MTTP: variants seen among roughly 807,000 people sequenced by gnomAD.
MTTP encodes the protein microsomal triglyceride transfer protein large subunit.
Under a neutral mutation model 90.6 loss-of-function variants are expected in MTTP, and 49 were observed. That is an observed-to-expected ratio of 0.54 (90% CI 0.43 to 0.69). The LOEUF (loss-of-function observed/expected upper bound fraction) is 0.69, where lower values mean the gene tolerates loss of function less well. Among genes scored for constraint, MTTP ranks in the 30% least tolerant of loss-of-function variants. MTTP has a pLI of 0.00. For missense variants in MTTP, 945 were observed against 1,067.5 expected, an observed-to-expected ratio of 0.89 and a Z score of 1.60; for synonymous variants, 347 against 384.2, an observed-to-expected ratio of 0.90 and a Z score of 1.13.
chr4:99,622,282 T>G (rs1049632479), intron 17 of MTTP, among the ~76,000 whole-genome samples: 4 of 152,278 alleles, frequency 2.6e-5, no homozygotes, highest in Non-Finnish European at 5.9e-5. Flanking sequence ...GCTCTTAGAA[T>G]GTTTCTCTGT....
At position 99,574,913 on chromosome 4, in the gene MTTP, ATTC is replaced by A; in HGVS notation, c.10_12del (p.Leu4del). ...CAGTTGAGGATTGCTGGTCAATATG[ATTC>A]TTCTTGCTGTGCTTTTTCTCTGCTT... On this transcript the variant is annotated inframe_deletion, in exon 1 of 18. Transcript: ENST00000265517. 6.2e-7 allele frequency: 1 copy of A among 1,614,088 alleles called. No individual in the cohort carries two copies. The highest frequency in any genetic ancestry group is 8.5e-7 in the Non-Finnish European group (1 of 1,180,008).
chr4:99,584,650 C>T (rs79291404), intron 3 of MTTP, among the ~76,000 whole-genome samples: 4,123 of 152,122 alleles, frequency 0.027, 86 homozygotes, highest in Non-Finnish European at 0.037. Flanking sequence ...TGCTCACATG[C>T]CATTTCTGTC....
At chr4:99,610,407 G>T (rs1725921755) in intron 12 of MTTP, among the ~76,000 whole-genome samples, 1 of 152,094 alleles carries the variant, frequency 6.6e-6, no homozygotes, top group Admixed American at 6.5e-5. Context: ...TGATATTGGA[G>T]GGGAAACCTC....
intron 12 of MTTP, 89 bp from the exon 13 acceptor site, chr4:99,611,054 T>C (rs1335196532): frequency 2.1e-6 from 3 of 1,450,194 alleles, no homozygotes; most frequent in Non-Finnish European, 2.9e-6. Context: ...TTCCTCTTTT[T>C]TCCACTGAGG....
chr4:99,591,139 G>T, intron 4 of MTTP, 96 bp from the exon 5 acceptor site: 1 of 868,706 alleles, frequency 1.2e-6, no homozygotes, highest in South Asian at 1.3e-5. Context: ...AGTCCCCTAT[G>T]GCCTATTAGA....
intron 1 of MTTP, among the ~76,000 whole-genome samples, chr4:99,578,800 G>A (rs1011040449): frequency 3.9e-5 from 6 of 152,198 alleles, no homozygotes; most frequent in Non-Finnish European, 8.8e-5. Context: ...TATTTGCTAT[G>A]TTGGGTTGAA....
intron 8 of MTTP, among the ~76,000 whole-genome samples, chr4:99,597,754 A>C (rs1036697952): frequency 9.9e-5 from 15 of 152,226 alleles, no homozygotes; most frequent in Admixed American, 4.6e-4. Flanking sequence ...TATGTTACTT[A>C]ATATTTGGTG....
chr4:99,594,019 T>C (rs1725490347), intron 6 of MTTP, among the ~76,000 whole-genome samples: 3 of 152,158 alleles, frequency 2.0e-5, no homozygotes, highest in Admixed American at 1.3e-4. Flanking sequence ...ATCTGGTGCA[T>C]GGGCTGGAAA....
chr4:99,599,279 A>G (rs1725640495), intron 8 of MTTP, among the ~76,000 whole-genome samples: 1 of 152,228 alleles, frequency 6.6e-6, no homozygotes, highest in African/African-American at 2.4e-5. Flanking sequence ...CATGATCTTG[A>G]AAATCCCTTT....
intron 1 of MTTP, among the ~76,000 whole-genome samples, chr4:99,577,650 A>G (rs995095118): frequency 1.1e-4 from 17 of 151,824 alleles, no homozygotes; most frequent in African/African-American, 3.6e-4. Context: ...GGAAGGAAGA[A>G]AAGAAAAAGG....
Position 99,589,796 on chromosome 4 carries a change from T to A in MTTP, c.501+46T>A, listed in dbSNP as rs762795165. On this transcript the variant is annotated intron_variant, in intron 4 of 17. Transcript: ENST00000265517. ...GGATTCAGCATCTCAATAAAATTTG[T>A]AAGGATTTCTACTTATACAATTTCA... The A allele has an allele frequency of 8.1e-6, 10 of 1,242,086 alleles. 1 individual carries two copies. The East Asian group carries it at 2.4e-4, about 29-fold the overall frequency. The allele number at this position is 1,242,086 out of a possible 1,614,324, so 76.9% of individuals were successfully genotyped here.
intron 12 of MTTP, among the ~76,000 whole-genome samples, chr4:99,609,567 A>G (rs1459186243): frequency 1.3e-5 from 2 of 152,152 alleles, no homozygotes; most frequent in Non-Finnish European, 2.9e-5. Flanking sequence ...CTGGAATTAG[A>G]GGGTCAGAGA....
At chr4:99,571,620 C>T (rs1724844202), upstream of MTTP, among the ~76,000 whole-genome samples, 1 of 151,664 alleles carries the variant, frequency 6.6e-6, no homozygotes, top group South Asian at 2.1e-4. Flanking sequence ...TTTTAGATTC[C>T]CAGTGTTTCA....
At position 99,613,088 on chromosome 4, in the gene MTTP, G is replaced by A. The variant is rs1419028802; in HGVS notation, c.2165G>A (p.Gly722Asp). ...ATGTCCAAAATGCTGTCAGCATCTGGCGACCCTATCAGTGTGGTGAAAGGA... is the reference window on the plus strand; with the variant it reads ...ATGTCCAAAATGCTGTCAGCATCTGACGACCCTATCAGTGTGGTGAAAGGA... Reference protein sequence around the residue: ...DLMSKMLSASGDPISVVKGLI... With the variant: ...DLMSKMLSASDDPISVVKGLI... The change falls in exon 15 of 18, where the codon GGC becomes GAC. Residue 722 changes from glycine to aspartate, a missense_variant. Physicochemically the swap from Gly to Asp is moderately conservative, Grantham distance 94 (BLOSUM62 -1). Transcript: ENST00000265517. 3.7e-6 allele frequency: 6 copies of A among 1,613,884 alleles called. No individual in the cohort carries two copies. The Admixed American group carries it at 8.3e-5, about 22-fold the overall frequency.
intron 14 of MTTP, among the ~76,000 whole-genome samples, chr4:99,611,718 A>G (rs1725961640): frequency 6.6e-6 from 1 of 152,222 alleles, no homozygotes; most frequent in South Asian, 2.1e-4. Flanking sequence ...AGGTGCACAT[A>G]TTCACAAAAC....
At chr4:99,590,925 C>T (rs1038461603) in intron 4 of MTTP, among the ~76,000 whole-genome samples, 1 of 151,974 alleles carries the variant, frequency 6.6e-6, no homozygotes. Context: ...CAGAATTACC[C>T]ATTTATCCAA....
intron 15 of MTTP, among the ~76,000 whole-genome samples, chr4:99,617,937 C>G (rs1055071753): frequency 6.6e-6 from 1 of 152,104 alleles, no homozygotes; most frequent in African/African-American, 2.4e-5. Flanking sequence ...CCTTCGTTTT[C>G]TAGTTGGATG....
At chr4:99,570,998 C>T, upstream of MTTP, 1 of 296,196 alleles carries the variant, frequency 3.4e-6, no homozygotes. Flanking sequence ...TGTTTTAAGC[C>T]ACTAAGTTTT....
intron 3 of MTTP, chr4:99,583,897 G>C (rs867264353): frequency 2.8e-6 from 1 of 362,752 alleles, no homozygotes; most frequent in African/African-American, 2.1e-5. Context: ...TTATGAGACT[G>C]AAATGATCCA....
Sources: allele counts gnomAD v4.1 joint callset (sites outside exome capture counted in the v4.1 genomes callset), GRCh38; gene constraint gnomAD v4.1.1; transcripts MANE v1.5; gene names NCBI Gene and HGNC (gene_info 2026-07-23, HGNC 2026-07-21).